RBMS1: variants seen among roughly 807,000 people sequenced by gnomAD.
The protein encoded by RBMS1 is RNA binding motif single stranded interacting protein 1.
In RBMS1, 17 loss-of-function variants were observed where a neutral mutation model predicts 62.3. The observed-to-expected ratio is 0.27, with a 90% CI of 0.19 to 0.41. The LOEUF (loss-of-function observed/expected upper bound fraction) is 0.41, where lower values mean the gene tolerates loss of function less well. Among genes scored for constraint, RBMS1 ranks in the 10% least tolerant of loss-of-function variants. RBMS1 has a pLI of 1.00. For missense variants in RBMS1, 334 were observed against 504.5 expected (o/e 0.66, Z 3.24); for synonymous variants, 172 against 170.0 (o/e 1.01, Z -0.09).
chr2:160,295,617 T>C (rs1273445636), intron 6 of RBMS1, among the ~76,000 whole-genome samples: 1 of 152,248 alleles, frequency 6.6e-6, no homozygotes, highest in African/African-American at 2.4e-5. Flanking sequence ...TACGATCATT[T>C]ACATGTGGTT....
chr2:160,481,869 T>C (rs557463867), intron 1 of RBMS1, among the ~76,000 whole-genome samples: 2 of 152,286 alleles, frequency 1.3e-5, no homozygotes, highest in African/African-American at 2.4e-5. Context: ...AGTGAGGACA[T>C]AGAGCAATTA....
intron 1 of RBMS1, among the ~76,000 whole-genome samples, chr2:160,389,917 C>T (rs1200867771): frequency 6.6e-6 from 1 of 151,752 alleles, no homozygotes; most frequent in East Asian, 1.9e-4. Context: ...AGAGGCCCCT[C>T]TAATAAAACA....
chr2:160,452,888 C>T (rs1684052907), intron 1 of RBMS1, among the ~76,000 whole-genome samples: 2 of 152,306 alleles, frequency 1.3e-5, no homozygotes, highest in South Asian at 4.1e-4. Context: ...TACAGGGACT[C>T]CAGACTTGGT....
intron 1 of RBMS1, among the ~76,000 whole-genome samples, chr2:160,416,875 T>G (rs1696231007): frequency 6.6e-6 from 1 of 152,202 alleles, no homozygotes; most frequent in Non-Finnish European, 1.5e-5. Context: ...TAAACAGCCT[T>G]GAAATCTGAA....
In RBMS1 at chr2:160,488,369, A is replaced by T. The variant is rs537292008; in HGVS notation, c.75+4920T>A. On this transcript the variant is annotated intron_variant, in intron 1 of 13. Coordinates refer to ENST00000348849, the MANE Select transcript of RBMS1 (RefSeq NM_016836.4). ...TGAGGCGGCGGATCACGAGGTCCGG[A>T]GTTCAAGACCAGCCTGGCCAACGTA... Among the ~76,000 whole-genome samples, 8 of 152,280 alleles carry T rather than the reference A, an allele frequency of 5.3e-5. No homozygotes were observed. The South Asian group carries it at 1.7e-3, about 32-fold the overall frequency.
chr2:160,333,294 G>A (rs1459374794), intron 2 of RBMS1, among the ~76,000 whole-genome samples: 1 of 152,130 alleles, frequency 6.6e-6, no homozygotes. Context: ...CTCTTGTTAG[G>A]AACACAGTAT....
intron 4 of RBMS1, among the ~76,000 whole-genome samples, chr2:160,308,451 T>C (rs1054919720): frequency 3.3e-5 from 5 of 152,048 alleles, no homozygotes; most frequent in Admixed American, 6.6e-5. Context: ...CTGAAAGATG[T>C]GTTTCAGGTG....
chr2:160,468,044 TCTC>T (rs1684765914), intron 1 of RBMS1, among the ~76,000 whole-genome samples: 1 of 151,906 alleles, frequency 6.6e-6, no homozygotes, highest in Non-Finnish European at 1.5e-5. Context: ...CAAACACAAA[TCTC>T]CTCTGAAGAG....
chr2:160,298,972 G>T (rs1211686506), intron 6 of RBMS1, among the ~76,000 whole-genome samples: 1 of 151,544 alleles, frequency 6.6e-6, no homozygotes, highest in African/African-American at 2.4e-5. Context: ...CTCATAGCCT[G>T]GCTTGGGTGT....
Position 160,318,229 on chromosome 2 carries a change from T to TAAAAAA in RBMS1, c.252-8_252-3dup, listed in dbSNP as rs5835799. ...TTTGTGGAGACTATTTTCCCATATC[T>TAAAAAA]AAAAAAAAAAAAAAAAAAAAAAAGG... On this transcript the variant is annotated splice_polypyrimidine_tract_variant and splice_region_variant and intron_variant, in intron 2 of 13. Transcript: ENST00000348849. 5.2e-5 allele frequency: 60 copies of TAAAAAA among 1,164,596 alleles called. No individual in the cohort carries two copies. The highest frequency in any genetic ancestry group is 1.6e-4 in the South Asian group (8 of 49,558). 72.1% of individuals were successfully genotyped at this position (1,164,596 alleles called of 1,614,324 possible).
rs767781841 is a variant in RBMS1, at chr2:160,367,232, C to G, written c.235G>C (p.Val79Leu). The change falls in exon 2 of 14, where the codon GTG becomes CTG. Residue 79 changes from valine (V) to leucine (L), a missense_variant. Physicochemically the swap from Val to Leu is conservative, Grantham distance 32. Coordinates refer to ENST00000348849, the MANE Select transcript of RBMS1 (RefSeq NM_016836.4). Reference protein sequence around the residue: ...LPPHTTDQDLVKLCQPYGKIV... With the variant: ...LPPHTTDQDLLKLCQPYGKIV... The stretch of plus-strand genomic sequence containing the variant: ...ACTACTTACGGTTGACAGAGCTTCA[C>G]CAGGTCCTGGTCGGTGGTGTGGGGA... 3 of 1,613,390 alleles carry G rather than the reference C, an allele frequency of 1.9e-6. No homozygotes were observed. The highest frequency in any genetic ancestry group is 2.2e-5 in the South Asian group (2 of 91,048).
intron 3 of RBMS1, among the ~76,000 whole-genome samples, chr2:160,317,362 A>G (rs1054375088): frequency 2.9e-4 from 44 of 152,148 alleles, no homozygotes; most frequent in Non-Finnish European, 2.1e-4. Context: ...TATTCCTGTC[A>G]ACTTATTTCA....
At position 160,313,365 on chromosome 2, in the gene RBMS1, G is replaced by C. The variant is rs1473317128; in HGVS notation, c.311-118C>G. 4 of 926,912 alleles carry C rather than the reference G, an allele frequency of 4.3e-6. No individual in the cohort carries two copies. In the South Asian group the frequency reaches 6.9e-5, roughly 16 times the overall value. 57.4% of individuals were successfully genotyped at this position (926,912 alleles called of 1,614,324 possible). ...CAAGAGACATGAAAATGTCCTGAGG[G>C]AGCTCAGGCGTTAACAGCTGCAGGC... On this transcript the variant is annotated intron_variant, in intron 3 of 13. Transcript: ENST00000348849.
chr2:160,383,920 G>A (rs941255362), intron 1 of RBMS1, among the ~76,000 whole-genome samples: 15 of 152,202 alleles, frequency 9.9e-5, no homozygotes, highest in Admixed American at 5.2e-4. Context: ...ACTTAAGGTC[G>A]GGTGCAGTGG....
In RBMS1 at chr2:160,303,325, C is replaced by A; in HGVS notation, c.560+5G>T. ...GACATAATAAAGACTGGGCAGAAGG[C>A]TTACCTAGCAAAGCCAACACCACGA... is the stretch of plus-strand genomic sequence containing the variant. On this transcript the variant is annotated splice_donor_5th_base_variant and intron_variant, in intron 5 of 13. Transcript: ENST00000348849. The A allele has an allele frequency of 6.3e-7, 1 of 1,595,556 alleles. No homozygotes were observed. The highest frequency in any genetic ancestry group is 1.4e-5 in the African/African-American group (1 of 73,992).
At chr2:160,297,288 G>A (rs549772107) in intron 6 of RBMS1, among the ~76,000 whole-genome samples, 1 of 152,120 alleles carries the variant, frequency 6.6e-6, no homozygotes, top group Admixed American at 6.5e-5. Flanking sequence ...GCAAGGTGAT[G>A]TGGTTTCTAA....
chr2:160,450,563 T>TA (rs71006605), intron 1 of RBMS1, among the ~76,000 whole-genome samples: 114,483 of 122,178 alleles, frequency 0.94, 53,720 homozygotes, highest in East Asian at 0.99. Context: ...AAATAAAAAA[T>TA]GAAAAAAAAA....
chr2:160,321,686 A>G (rs370832891), intron 2 of RBMS1, among the ~76,000 whole-genome samples: 3 of 152,060 alleles, frequency 2.0e-5, no homozygotes, highest in African/African-American at 7.2e-5. Context: ...ATCTCTTTTC[A>G]TTCACTAGCA....
chr2:160,393,087 T>A (rs905306362), intron 1 of RBMS1, among the ~76,000 whole-genome samples: 4 of 152,146 alleles, frequency 2.6e-5, no homozygotes, highest in African/African-American at 9.7e-5. Flanking sequence ...TAATTTAGTA[T>A]CCTAATAAGC....
Sources: gnomAD v4.1 joint callset for allele counts (sites outside exome capture counted in the v4.1 genomes callset) on GRCh38, gnomAD v4.1.1 for gene constraint, MANE v1.5 for transcripts, NCBI Gene and HGNC (gene_info 2026-07-23, HGNC 2026-07-21) for gene names.